The following MYOM2 variants were observed in gnomAD, a reference collection of about 807,000 sequenced individuals.
MYOM2 encodes myomesin-2.
A neutral mutation model predicts 187.6 loss-of-function variants in MYOM2; 254 were observed. The ratio of observed to expected loss-of-function variants is 1.35; its 90% CI spans 1.22 to 1.50. The LOEUF (loss-of-function observed/expected upper bound fraction) is 1.50, where lower values mean the gene tolerates loss of function less well. MYOM2 is among the 40% of genes most tolerant of loss of function. The pLI, the probability that MYOM2 is intolerant of heterozygous loss-of-function variation, is 0.00. For synonymous variants in MYOM2, 981 were observed against 753.8 expected, an observed-to-expected ratio of 1.30 and a Z score of -4.94; for missense variants, 2,796 against 1,924.0, an observed-to-expected ratio of 1.45 and a Z score of -8.48.
chr8:2,110,673 G>A (rs973068895), intron 25 of MYOM2, among the ~76,000 whole-genome samples: 5 of 152,138 alleles, frequency 3.3e-5, no homozygotes, highest in African/African-American at 1.2e-4. Context: ...GTGTTGATTG[G>A]TTTGTTCATT....
intron 6 of MYOM2, among the ~76,000 whole-genome samples, chr8:2,066,195 C>A (rs534020289): frequency 1.3e-5 from 2 of 152,192 alleles, no homozygotes; most frequent in African/African-American, 4.8e-5. Flanking sequence ...AGCAGGGTCA[C>A]GTGCAGCGGT....
intron 17 of MYOM2, among the ~76,000 whole-genome samples, 167 bp downstream of exon 17, chr8:2,094,258 C>G (rs1298464099): frequency 6.6e-6 from 1 of 152,170 alleles, no homozygotes. Flanking sequence ...GGCTGCTTGT[C>G]TTGGAAATGA....
intron 34 of MYOM2, among the ~76,000 whole-genome samples, 158 bp from the exon 35 acceptor site, chr8:2,142,217 G>A (rs1458314481): frequency 2.0e-5 from 3 of 152,168 alleles, no homozygotes; most frequent in African/African-American, 7.2e-5. Flanking sequence ...ATCCATCCTG[G>A]GGTCCTGTGA....
At chr8:2,134,734 C>G (rs73657742) in intron 32 of MYOM2, among the ~76,000 whole-genome samples, 19,845 of 152,142 alleles carry the variant, frequency 0.13, 2,200 homozygotes, top group African/African-American at 0.28. Context: ...CAGCTCTGGC[C>G]CTTGGGAGCT....
At chr8:2,143,118 G>A (rs879295351) in intron 35 of MYOM2, among the ~76,000 whole-genome samples, 5 of 152,094 alleles carry the variant, frequency 3.3e-5, no homozygotes, top group South Asian at 4.1e-4. Flanking sequence ...TTCCGTCCTC[G>A]GTGAATTCTT....
At chr8:2,136,277 G>T (rs571217019) in intron 32 of MYOM2, among the ~76,000 whole-genome samples, 19 of 152,310 alleles carry the variant, frequency 1.2e-4, no homozygotes, top group African/African-American at 4.3e-4. Flanking sequence ...AGGCTGTGGG[G>T]TCCTGGCTCA....
At chr8:2,060,002 A>T (rs1818799852) in intron 6 of MYOM2, among the ~76,000 whole-genome samples, 1 of 152,220 alleles carries the variant, frequency 6.6e-6, no homozygotes, top group Non-Finnish European at 1.5e-5. Context: ...TCGGTCTCCC[A>T]AAGTGCTGGG....
At chr8:2,076,327 A>T (rs1287059784) in intron 11 of MYOM2, 45 bp downstream of exon 11, 2 of 1,593,492 alleles carry the variant, frequency 1.3e-6, no homozygotes. Flanking sequence ...TTCCGCATGG[A>T]ATCTTACCAT....
Position 2,129,382 on chromosome 8 carries a change from T to A in MYOM2, c.3800+150T>A, listed in dbSNP as rs1797772981. On this transcript the variant is annotated intron_variant, in intron 32 of 36. Transcript: ENST00000262113. ...TTGAGCAATGATGACAACCTTTAGC[T>A]CAGGGAAGGGGGCCCTCACGGCAGT... 5.6e-6 allele frequency: 3 copies of A among 536,180 alleles called. No individual in the cohort carries two copies. In the South Asian group the frequency reaches 8.2e-5, roughly 15 times the overall value. 33.2% of individuals were successfully genotyped at this position (536,180 alleles called of 1,614,324 possible). A position where few individuals can be genotyped will look rare whatever the true frequency, so the allele number is the denominator to read the frequency against.
At chr8:2,123,216 G>C in intron 28 of MYOM2, 36 bp from the exon 29 acceptor site, 1 of 1,360,590 alleles carries the variant, frequency 7.3e-7, no homozygotes, top group Non-Finnish European at 1.0e-6. Flanking sequence ...GAGTCAGAAT[G>C]ATTTACACAC....
chr8:2,133,156 G>A (rs987160152), intron 32 of MYOM2, among the ~76,000 whole-genome samples: 2 of 116,864 alleles, frequency 1.7e-5, no homozygotes, highest in African/African-American at 9.4e-5. Flanking sequence ...TTAGACAGCA[G>A]TAGCAAAAGG....
At chr8:2,141,299 CAG>C (rs1286554616) in intron 34 of MYOM2, 122 bp downstream of exon 34, 1 of 767,222 alleles carries the variant, frequency 1.3e-6, no homozygotes, top group African/African-American at 1.7e-5. Flanking sequence ...ATTCCTGGGA[CAG>C]AAGTGGGAAT....
chr8:2,065,962 G>T (rs970710043), intron 6 of MYOM2, among the ~76,000 whole-genome samples: 5 of 152,236 alleles, frequency 3.3e-5, no homozygotes, highest in African/African-American at 1.2e-4. Flanking sequence ...GGGGCGCAGT[G>T]TGAACGCTGT....
intron 17 of MYOM2, among the ~76,000 whole-genome samples, chr8:2,095,022 G>T (rs559431098): frequency 1.3e-5 from 2 of 152,150 alleles, no homozygotes; most frequent in African/African-American, 2.4e-5. Flanking sequence ...GATTCACAGG[G>T]TTATCTTCCC....
Position 2,144,917 on chromosome 8 carries a change from TG to T in MYOM2, c.4336del (p.Ala1446ProfsTer66). ...VYKHGEKIPD[M>X]APPQQAKPKL... is the part of the protein sequence containing the mutation. The stretch of plus-strand genomic sequence containing the variant: ...AAACACGGGGAGAAGATCCCGGACA[TG>T]GCCCCGCCCCAGCAAGCCAAGCCCA... On this transcript the variant is annotated frameshift_variant, in exon 37 of 37. Coordinates refer to ENST00000262113, the MANE Select transcript of MYOM2 (RefSeq NM_003970.4). LOFTEE classifies it low-confidence loss of function (END_TRUNC). 1 of 1,614,130 alleles carries T rather than the reference TG, an allele frequency of 6.2e-7. No homozygotes were observed. The highest frequency in any genetic ancestry group is 8.5e-7 in the Non-Finnish European group (1 of 1,180,028).
At position 2,086,773 on chromosome 8, in the gene MYOM2, G is replaced by A. The variant is rs576199983; in HGVS notation, c.1644+1383G>A. 8.1e-4 allele frequency among the ~76,000 whole-genome samples: 123 copies of A among 152,286 alleles called. 2 individuals are homozygous for A. In the South Asian group the frequency reaches 8.3e-3, roughly 10 times the overall value. ...GAGGACTGAGCTTGAGGGTTCTAGC[G>A]TCTCCTTCCTGCTGCAACATTCCAG... On this transcript the variant is annotated intron_variant, in intron 14 of 36. Coordinates refer to ENST00000262113, the MANE Select transcript of MYOM2 (RefSeq NM_003970.4).
At chr8:2,059,084 T>C in intron 5 of MYOM2, 69 bp from the exon 6 acceptor site, 1 of 1,345,364 alleles carries the variant, frequency 7.4e-7, no homozygotes, top group Non-Finnish European at 1.1e-6. Context: ...GCGGGGGAGC[T>C]GGGGCAGAAT....
intron 32 of MYOM2, among the ~76,000 whole-genome samples, chr8:2,140,423 G>C (rs957299609): frequency 4.0e-5 from 6 of 149,464 alleles, no homozygotes; most frequent in African/African-American, 1.2e-4. Flanking sequence ...AGTAGTTCTA[G>C]CTTTAATTTT....
intron 11 of MYOM2, among the ~76,000 whole-genome samples, chr8:2,078,504 A>G (rs1335927355): frequency 6.6e-6 from 1 of 152,120 alleles, no homozygotes; most frequent in African/African-American, 2.4e-5. Flanking sequence ...ATTCATGGGC[A>G]TATATTACAT....
Sources: allele counts gnomAD v4.1 joint callset (sites outside exome capture counted in the v4.1 genomes callset), GRCh38; gene constraint gnomAD v4.1.1; transcripts MANE v1.5; gene names NCBI Gene and HGNC (gene_info 2026-07-23, HGNC 2026-07-21).